Variants in PTPRN2 observed in about 807,000 individuals in gnomAD.
PTPRN2 encodes protein tyrosine phosphatase receptor type N2.
Under a neutral mutation model 118.8 loss-of-function variants are expected in PTPRN2, and 74 were observed. The ratio of observed to expected loss-of-function variants is 0.62; its 90% CI spans 0.52 to 0.76. The LOEUF is 0.76. PTPRN2 is among the 30% of genes least tolerant of loss of function. PTPRN2 has a pLI of 0.00. For synonymous variants in PTPRN2, 641 were observed against 608.0 expected, an observed-to-expected ratio of 1.05 and a Z score of -0.80; for missense variants, 1,481 against 1,394.4, an observed-to-expected ratio of 1.06 and a Z score of -0.99.
At chr7:157,816,199 C>T (rs927152010) in intron 12 of PTPRN2, among the ~76,000 whole-genome samples, 23 of 152,368 alleles carry the variant, frequency 1.5e-4, no homozygotes, top group Middle Eastern at 3.4e-3. Context: ...TCCTGCCTCC[C>T]GCCTCCTAGC....
chr7:157,641,223 A>T (rs147686897), intron 14 of PTPRN2, among the ~76,000 whole-genome samples: 1 of 152,236 alleles, frequency 6.6e-6, no homozygotes, highest in African/African-American at 2.4e-5. Context: ...TTACTAAAGT[A>T]TAACTGCTGA....
At chr7:157,704,667 A>T (rs1027155716) in intron 12 of PTPRN2, among the ~76,000 whole-genome samples, 10 of 152,142 alleles carry the variant, frequency 6.6e-5, no homozygotes, top group Admixed American at 5.2e-4. Flanking sequence ...TTTCCTTCTC[A>T]GCACCTCCTG....
In PTPRN2 at chr7:157,881,156, G is replaced by T. The variant is rs1398925484; in HGVS notation, c.1788+17517C>A. ...GTCATGAGGGTATGTGGAGATGGAG[G>T]TGTTTACAGGAATCATTACGGTAAA... On this transcript the variant is annotated intron_variant, in intron 12 of 22. Transcript: ENST00000389418. The surrounding 1 kb of genome is among the most constrained non-coding windows in gnomAD (Gnocchi z 4.7). Among the ~76,000 whole-genome samples, 1 of 151,734 alleles carries T rather than the reference G, an allele frequency of 6.6e-6. No individual in the cohort carries two copies. The highest frequency in any genetic ancestry group is 1.5e-5 in the Non-Finnish European group (1 of 67,954).
intron 14 of PTPRN2, among the ~76,000 whole-genome samples, chr7:157,651,323 G>C (rs565215075): frequency 1.3e-5 from 2 of 152,150 alleles, no homozygotes; most frequent in Non-Finnish European, 2.9e-5. Context: ...CAGTGCCTCA[G>C]GACTCTCCAA....
intron 2 of PTPRN2, among the ~76,000 whole-genome samples, chr7:158,431,467 GGCACATA>G (rs1816180104): frequency 3.8e-4 from 50 of 132,578 alleles, no homozygotes; most frequent in South Asian, 5.0e-4. Context: ...ACACACACTG[GGCACATA>G]CTGGGCACAC....
At chr7:158,098,293 G>T (rs1409932006) in intron 10 of PTPRN2, among the ~76,000 whole-genome samples, 1 of 152,234 alleles carries the variant, frequency 6.6e-6, no homozygotes, top group Non-Finnish European at 1.5e-5. Context: ...GATCCTGCGG[G>T]TGAGGCCACC....
intron 3 of PTPRN2, among the ~76,000 whole-genome samples, chr7:158,212,557 G>C (rs762722635): frequency 6.6e-6 from 1 of 152,206 alleles, no homozygotes; most frequent in Non-Finnish European, 1.5e-5. Context: ...GACTTAATGG[G>C]TGCTGACTAT....
intron 1 of PTPRN2, chr7:158,539,755 G>A (rs564078373): frequency 7.1e-4 from 179 of 252,044 alleles, no homozygotes; most frequent in African/African-American, 4.1e-3. Flanking sequence ...GATGACAGCT[G>A]GAACCGGACG....
chr7:157,748,542 GGGTGATT>G (rs1563068053), intron 12 of PTPRN2, among the ~76,000 whole-genome samples: 13 of 114,242 alleles, frequency 1.1e-4, no homozygotes, highest in Admixed American at 2.1e-4. Context: ...TGGGGTGTCC[GGGTGATT>G]CTGAGGCCTG....
At chr7:157,743,068 C>T (rs957751131) in intron 12 of PTPRN2, among the ~76,000 whole-genome samples, 2 of 152,074 alleles carry the variant, frequency 1.3e-5, no homozygotes, top group African/African-American at 4.8e-5. Context: ...CCAGGCTGTG[C>T]TTGTGTTATC....
At chr7:157,972,479 C>T (rs1802403264) in intron 11 of PTPRN2, among the ~76,000 whole-genome samples, 2 of 152,006 alleles carry the variant, frequency 1.3e-5, no homozygotes, top group Non-Finnish European at 2.9e-5. Context: ...GAACTCCACA[C>T]CACGAGAGCA....
chr7:157,747,147 G>C (rs1347255356), intron 12 of PTPRN2, among the ~76,000 whole-genome samples: 2 of 116,656 alleles, frequency 1.7e-5, no homozygotes, highest in African/African-American at 7.4e-5. Flanking sequence ...GTGGGCTGTT[G>C]AGGTGATTCT....
chr7:157,663,621 C>T (rs763166156), intron 13 of PTPRN2, among the ~76,000 whole-genome samples: 7 of 152,182 alleles, frequency 4.6e-5, no homozygotes, highest in Non-Finnish European at 7.3e-5. Flanking sequence ...TGCCAGAGCT[C>T]CTCACAGTGG....
In PTPRN2 at chr7:157,990,485, C is replaced by T. The variant is rs1804163798; in HGVS notation, c.1723+90813G>A. Among the ~76,000 whole-genome samples the T allele has an allele frequency of 6.6e-6, 1 of 150,620 alleles. No individual in the cohort carries two copies. Among genetic ancestry groups the T allele is most frequent in the African/African-American group, 2.4e-5 (1 of 41,214 alleles). On this transcript the variant is annotated intron_variant, in intron 11 of 22. Coordinates refer to ENST00000389418, the MANE Select transcript of PTPRN2 (RefSeq NM_002847.5). This position sits in a 1 kb window ranked among gnomAD's most constrained non-coding sequence, Gnocchi z 4.3. The stretch of plus-strand genomic sequence containing the variant: ...ACCCACCCTCTCCCCAAGGCTTGGG[C>T]CACACTCCATGCCACCATGCCCAAC...
At chr7:158,161,950 A>G (rs545809048) in intron 6 of PTPRN2, among the ~76,000 whole-genome samples, 1 of 152,346 alleles carries the variant, frequency 6.6e-6, no homozygotes, top group South Asian at 2.1e-4. Context: ...ACCTCACCAC[A>G]GAAGATACAC....
chr7:158,127,279 C>T (rs925598494), intron 9 of PTPRN2, among the ~76,000 whole-genome samples: 2 of 151,926 alleles, frequency 1.3e-5, no homozygotes, highest in Non-Finnish European at 2.9e-5. Context: ...CATCCGTGCA[C>T]CTGTGCCCTG....
At chr7:158,115,543 G>A (rs867217872) in intron 9 of PTPRN2, among the ~76,000 whole-genome samples, 3 of 151,982 alleles carry the variant, frequency 2.0e-5, no homozygotes, top group Non-Finnish European at 4.4e-5. Context: ...TATGGGAGGT[G>A]GTCAGGTCAT....
intron 17 of PTPRN2, among the ~76,000 whole-genome samples, chr7:157,593,242 C>T (rs529495494): frequency 6.7e-6 from 1 of 149,360 alleles, no homozygotes; most frequent in East Asian, 2.0e-4. Flanking sequence ...ATGTGGGCAT[C>T]ATCATGGTTG....
chr7:158,521,421 A>G (rs1408587527), intron 1 of PTPRN2, among the ~76,000 whole-genome samples: 1 of 152,232 alleles, frequency 6.6e-6, no homozygotes, highest in Non-Finnish European at 1.5e-5. Flanking sequence ...CTGCATCTAA[A>G]TTTAACAATG....
Sources: gnomAD v4.1 joint callset for allele counts (sites outside exome capture counted in the v4.1 genomes callset) on GRCh38, gnomAD v4.1.1 for gene constraint, Gnocchi (gnomAD v3.1) non-coding constraint, MANE v1.5 for transcripts, NCBI Gene and HGNC (gene_info 2026-07-23, HGNC 2026-07-21) for gene names.